DTD1: variants seen among roughly 807,000 people sequenced by gnomAD.
DTD1 encodes D-tyrosyl-tRNA deacylase 1 homolog.
DTD1 carries 13 observed loss-of-function variants against 25.6 expected under a neutral mutation model. The observed-to-expected ratio is 0.51, with a 90% CI of 0.33 to 0.81. The LOEUF is 0.81. Ranked by LOEUF, DTD1 falls within the 30% of genes least tolerant of loss-of-function variation. DTD1 has a pLI of 0.02. For missense variants in DTD1, 193 were observed against 266.4 expected (o/e 0.72, Z 1.92); for synonymous variants, 110 against 103.6 (o/e 1.06, Z -0.37).
intron 4 of DTD1, among the ~76,000 whole-genome samples, chr20:18,734,987 G>A (rs1047310426): frequency 1.4e-4 from 21 of 152,194 alleles, no homozygotes; most frequent in Admixed American, 3.9e-4. Context: ...GACATCAGCC[G>A]GGCCACAGGA....
intron 4 of DTD1, chr20:18,631,476 A>G: frequency 1.0e-6 from 1 of 985,412 alleles, no homozygotes; most frequent in East Asian, 1.1e-4. Context: ...ACAGTCATCC[A>G]TCTTATCCCA....
intron 3 of DTD1, among the ~76,000 whole-genome samples, chr20:18,598,353 A>T (rs1439241068): frequency 2.0e-5 from 3 of 152,134 alleles, no homozygotes; most frequent in Non-Finnish European, 2.9e-5. Flanking sequence ...TGTAGGTGCC[A>T]CGTTTTCTTT....
At chr20:18,672,160 G>A (rs1286325813) in intron 4 of DTD1, among the ~76,000 whole-genome samples, 1 of 152,132 alleles carries the variant, frequency 6.6e-6, no homozygotes, top group Non-Finnish European at 1.5e-5. Flanking sequence ...CTTGAGTCCA[G>A]GAGGTCAAGG....
chr20:18,702,745 A>C (rs1422603795), intron 4 of DTD1, among the ~76,000 whole-genome samples: 3 of 12,892 alleles, frequency 2.3e-4, no homozygotes, highest in Non-Finnish European at 6.0e-4. Context: ...GGAATGAGGC[A>C]AAAAAAAAAA....
chr20:18,693,845 C>T (rs920381603), intron 4 of DTD1, among the ~76,000 whole-genome samples: 1 of 152,112 alleles, frequency 6.6e-6, no homozygotes, highest in African/African-American at 2.4e-5. Flanking sequence ...AGTAAACGAG[C>T]AGGACGTTAG....
intron 4 of DTD1, among the ~76,000 whole-genome samples, chr20:18,708,321 TA>T (rs1568677070): frequency 2.4e-5 from 1 of 41,028 alleles, no homozygotes; most frequent in African/African-American, 8.1e-5. Flanking sequence ...ATATATATAT[TA>T]TATATATATA....
intron 5 of DTD1, among the ~76,000 whole-genome samples, chr20:18,748,793 T>C (rs1031336114): frequency 6.6e-6 from 1 of 152,210 alleles, no homozygotes; most frequent in African/African-American, 2.4e-5. Flanking sequence ...TGTATTTATT[T>C]CCTTCTCACG....
At chr20:18,651,128 C>T (rs1437968245) in intron 4 of DTD1, among the ~76,000 whole-genome samples, 2 of 152,152 alleles carry the variant, frequency 1.3e-5, no homozygotes, top group African/African-American at 4.8e-5. Flanking sequence ...GCTGTTACAA[C>T]AGCTGGTTAG....
At chr20:18,710,516 T>G (rs1193009920) in intron 4 of DTD1, among the ~76,000 whole-genome samples, 2 of 152,240 alleles carry the variant, frequency 1.3e-5, no homozygotes, top group African/African-American at 4.8e-5. Flanking sequence ...CAGTTTATTA[T>G]TCATAAGTCT....
At chr20:18,761,624 T>C (rs972791122) in intron 5 of DTD1, among the ~76,000 whole-genome samples, 1 of 152,202 alleles carries the variant, frequency 6.6e-6, no homozygotes, top group Non-Finnish European at 1.5e-5. Context: ...TATTGTAGAA[T>C]ATTTAATTGA....
intron 4 of DTD1, among the ~76,000 whole-genome samples, chr20:18,741,102 G>A (rs758028614): frequency 1.3e-5 from 2 of 152,160 alleles, no homozygotes; most frequent in Non-Finnish European, 2.9e-5. Context: ...AGGCCATGGC[G>A]AAACAAAGAA....
rs961305412 is a variant in DTD1 at position 18,615,422 on chromosome 20, G to C, written c.371-12705G>C. On this transcript the variant is annotated intron_variant, in intron 3 of 5. Transcript: ENST00000377452. Reference sequence around the variant, plus strand: ...ATTATTGGGTCCCCAGACTGAGTAGGCACAGGAAACTGGGTCACTTGTATC... The same window carrying C: ...ATTATTGGGTCCCCAGACTGAGTAGCCACAGGAAACTGGGTCACTTGTATC... Among the ~76,000 whole-genome samples, 3 of 152,302 alleles carry C rather than the reference G, an allele frequency of 2.0e-5. No homozygotes were observed. The East Asian group carries it at 5.8e-4, about 29-fold the overall frequency.
At chr20:18,635,811 G>A (rs930176088) in intron 4 of DTD1, among the ~76,000 whole-genome samples, 1 of 152,122 alleles carries the variant, frequency 6.6e-6, no homozygotes, top group African/African-American at 2.4e-5. Flanking sequence ...CTTTGTTGGG[G>A]ACCCATTGAT....
At chr20:18,640,037 CT>C (rs758528540) in intron 4 of DTD1, among the ~76,000 whole-genome samples, 81 of 147,764 alleles carry the variant, frequency 5.5e-4, no homozygotes, top group Non-Finnish European at 9.5e-4. Flanking sequence ...CAGATCTGGC[CT>C]TATGCTCTGA....
intron 4 of DTD1, among the ~76,000 whole-genome samples, chr20:18,667,207 T>C (rs2060934720): frequency 6.6e-6 from 1 of 152,234 alleles, no homozygotes. Context: ...GCCCATCAGA[T>C]GGCATTGCAT....
At chr20:18,698,861 G>A (rs1412103537) in intron 4 of DTD1, among the ~76,000 whole-genome samples, 1 of 152,184 alleles carries the variant, frequency 6.6e-6, no homozygotes, top group East Asian at 1.9e-4. Context: ...CTCCAGGGCT[G>A]GTTACTTTGG....
chr20:18,702,108 G>A (rs553487315), intron 4 of DTD1, among the ~76,000 whole-genome samples: 17 of 152,202 alleles, frequency 1.1e-4, no homozygotes, highest in African/African-American at 1.9e-4. Context: ...TAGACAAAGC[G>A]TCTATTTGTA....
At chr20:18,616,830 G>A (rs1250387665) in intron 3 of DTD1, among the ~76,000 whole-genome samples, 2 of 152,158 alleles carry the variant, frequency 1.3e-5, no homozygotes, top group African/African-American at 2.4e-5. Context: ...TAAAAAAGCA[G>A]TGTCAGTGGT....
chr20:18,758,210 T>G (rs2061347243), intron 5 of DTD1, among the ~76,000 whole-genome samples: 1 of 152,204 alleles, frequency 6.6e-6, no homozygotes, highest in Non-Finnish European at 1.5e-5. Context: ...TGTTGATCTT[T>G]TCAAAAAACC....
Sources: allele counts gnomAD v4.1 joint callset (sites outside exome capture counted in the v4.1 genomes callset), GRCh38; gene constraint gnomAD v4.1.1; transcripts MANE v1.5; gene names NCBI Gene and HGNC (gene_info 2026-07-23, HGNC 2026-07-21).